BLOC1S5: variants seen among roughly 807,000 people sequenced by gnomAD.
BLOC1S5 encodes the protein biogenesis of lysosomal organelles complex 1 subunit 5.
BLOC1S5 carries 27 observed loss-of-function variants against 24.3 expected under a neutral mutation model. The ratio of observed to expected loss-of-function variants is 1.11; its 90% CI spans 0.82 to 1.53. The LOEUF is 1.53. Among genes scored for constraint, BLOC1S5 ranks in the 40% most tolerant of loss-of-function variants. The probability of loss-of-function intolerance (pLI) is 0.00; values close to 1 mark genes in which losing one functional copy is unlikely to be tolerated. For missense variants in BLOC1S5, 239 were observed against 229.4 expected (o/e 1.04, Z -0.27); for synonymous variants, 84 against 74.5 (o/e 1.13, Z -0.66).
intron 3 of BLOC1S5, among the ~76,000 whole-genome samples, chr6:8,029,999 T>C (rs749465359): frequency 2.0e-5 from 3 of 152,018 alleles, no homozygotes; most frequent in Non-Finnish European, 2.9e-5. Flanking sequence ...AATGAAGACC[T>C]CCCTAAACAG....
At chr6:8,016,664 C>CA (rs1297327863) in intron 4 of BLOC1S5, among the ~76,000 whole-genome samples, 4 of 151,734 alleles carry the variant, frequency 2.6e-5, no homozygotes, top group Non-Finnish European at 5.9e-5. Flanking sequence ...GTCAGGAGTT[C>CA]AAGTCCAGTC....
At chr6:8,017,385 A>AACACAAACACACAC (rs1762779908) in intron 4 of BLOC1S5, among the ~76,000 whole-genome samples, 3 of 149,626 alleles carry the variant, frequency 2.0e-5, no homozygotes, top group Admixed American at 2.0e-4. Flanking sequence ...CTCAAAAACA[A>AACACAAACACACAC]ACACACACAC....
intron 4 of BLOC1S5, among the ~76,000 whole-genome samples, chr6:8,017,003 T>C (rs1762763871): frequency 6.6e-6 from 1 of 152,086 alleles, no homozygotes; most frequent in Non-Finnish European, 1.5e-5. Flanking sequence ...TATATAAGGA[T>C]GAAAGGTTTT....
rs1491027414 is a variant in BLOC1S5, at chr6:8,022,577, TTC to T, written c.384+3788_384+3789del. On this transcript the variant is annotated intron_variant, in intron 4 of 4. Coordinates refer to ENST00000397457, the MANE Select transcript of BLOC1S5 (RefSeq NM_201280.3). ...TCTATTTTCAAACTCTATTTTTTTT[TTC>T]TTTTTTTTTTTTCTTTTTTTTTTGA... Among the ~76,000 whole-genome samples, 19 of 81,102 alleles carry T rather than the reference TTC, an allele frequency of 2.3e-4. 1 individual carries two copies. Among genetic ancestry groups the T allele is most frequent in the African/African-American group, 1.1e-3 (19 of 16,620 alleles). 53.2% of individuals were successfully genotyped at this position (81,102 alleles called of 152,430 possible).
intron 2 of BLOC1S5, among the ~76,000 whole-genome samples, chr6:8,051,308 T>G (rs1764099350): frequency 6.6e-6 from 1 of 152,216 alleles, no homozygotes; most frequent in Non-Finnish European, 1.5e-5. Flanking sequence ...AACATTTTCT[T>G]AAGCCAAAGC....
intron 2 of BLOC1S5, among the ~76,000 whole-genome samples, chr6:8,044,680 G>C (rs191723426): frequency 6.6e-6 from 1 of 152,332 alleles, no homozygotes; most frequent in East Asian, 1.9e-4. Context: ...TGAGGAACTT[G>C]TTGGGAACTG....
chr6:8,057,912 GTTGT>G (rs1764370783), intron 2 of BLOC1S5, among the ~76,000 whole-genome samples: 1 of 152,122 alleles, frequency 6.6e-6, no homozygotes, highest in Admixed American at 6.6e-5. Flanking sequence ...TCTCTTAGAA[GTTGT>G]TTCTCGAGTT....
At chr6:8,048,205 G>A (rs1242697563) in intron 2 of BLOC1S5, among the ~76,000 whole-genome samples, 2 of 152,194 alleles carry the variant, frequency 1.3e-5, no homozygotes, top group Admixed American at 6.5e-5. Context: ...GCTCTGGAAT[G>A]CTTCAGACAA....
At position 8,015,026 on chromosome 6, in the gene BLOC1S5, A is replaced by G. The variant is rs1481530514; in HGVS notation, c.*623T>C. 4 of 152,686 alleles carry G rather than the reference A, an allele frequency of 2.6e-5. No individual in the cohort carries two copies. The highest frequency in any genetic ancestry group is 9.6e-5 in the African/African-American group (4 of 41,462). 9.5% of individuals were successfully genotyped at this position (152,686 alleles called of 1,614,324 possible). A position where few individuals can be genotyped will look rare whatever the true frequency, so the allele number is the denominator to read the frequency against. On this transcript the variant is annotated 3_prime_UTR_variant, in exon 5 of 5. Coordinates refer to ENST00000397457, the MANE Select transcript of BLOC1S5 (RefSeq NM_201280.3). ...TAACATGTGTCTTCCCATCCACGGAAGCCCATGGCATTATGCTGCACTGTA... is the reference window on the plus strand; with the variant it reads ...TAACATGTGTCTTCCCATCCACGGAGGCCCATGGCATTATGCTGCACTGTA...
intron 2 of BLOC1S5, among the ~76,000 whole-genome samples, chr6:8,049,322 G>A (rs375719552): frequency 6.6e-6 from 1 of 151,236 alleles, no homozygotes; most frequent in Admixed American, 6.6e-5. Flanking sequence ...AGTGAGCCGC[G>A]ATCGCGCCAT....
chr6:8,025,939 C>A (rs1263807075), intron 4 of BLOC1S5, among the ~76,000 whole-genome samples: 26 of 152,192 alleles, frequency 1.7e-4, no homozygotes, highest in Admixed American at 1.7e-3. Flanking sequence ...CACTGCCCAG[C>A]AAATGATTCA....
At chr6:8,022,571 T>TTTTTTTTTG in intron 4 of BLOC1S5, among the ~76,000 whole-genome samples, 1 of 82,948 alleles carries the variant, frequency 1.2e-5, no homozygotes, top group East Asian at 1.0e-3. Context: ...AAACTCTATT[T>TTTTTTTTTG]TTTTTTTCTT....
chr6:8,064,221 C>T (rs1339036776), intron 1 of BLOC1S5, 44 bp downstream of exon 1: 1 of 1,519,774 alleles, frequency 6.6e-7, no homozygotes, highest in African/African-American at 1.4e-5. Flanking sequence ...GGAGATGAGG[C>T]TGTGCTGGGA....
chr6:8,041,643 C>CTTTG, intron 2 of BLOC1S5, among the ~76,000 whole-genome samples: 1 of 79,732 alleles, frequency 1.3e-5, no homozygotes, highest in South Asian at 5.7e-4. Flanking sequence ...TAATTACTTT[C>CTTTG]TTTCTTTCTT....
intron 2 of BLOC1S5, among the ~76,000 whole-genome samples, chr6:8,046,608 T>C (rs1447237502): frequency 6.6e-6 from 1 of 152,188 alleles, no homozygotes; most frequent in Non-Finnish European, 1.5e-5. Flanking sequence ...GAGAGAATAA[T>C]ATAACAAACT....
intron 3 of BLOC1S5, among the ~76,000 whole-genome samples, chr6:8,036,824 C>T (rs936055613): frequency 1.3e-5 from 2 of 152,110 alleles, no homozygotes; most frequent in Admixed American, 6.6e-5. Context: ...AGATCATTCA[C>T]CATGATCAAG....
chr6:8,046,967 A>G (rs1446230973), intron 2 of BLOC1S5, among the ~76,000 whole-genome samples: 1 of 151,780 alleles, frequency 6.6e-6, no homozygotes, highest in Admixed American at 6.6e-5. Flanking sequence ...AATTTTTTGT[A>G]GAGACAGGCT....
At chr6:8,051,634 G>C (rs1045088429) in intron 2 of BLOC1S5, among the ~76,000 whole-genome samples, 17 of 152,244 alleles carry the variant, frequency 1.1e-4, no homozygotes, top group African/African-American at 4.1e-4. Flanking sequence ...TGGCTTCAGA[G>C]CTTCAAAGGA....
At position 8,041,015 on chromosome 6, in the gene BLOC1S5, C is replaced by T. The variant is rs1763659950; in HGVS notation, c.325+124G>A. The T allele has an allele frequency of 7.1e-6, 8 of 1,131,172 alleles. No individual in the cohort carries two copies. The South Asian group carries it at 1.2e-4, about 18-fold the overall frequency. 70.1% of individuals were successfully genotyped at this position (1,131,172 alleles called of 1,614,324 possible). ...GCAACACACATTAATCACTAGAAAA[C>T]CACTTTCTCTGTAACTGAGCTTCCC... On this transcript the variant is annotated intron_variant, in intron 3 of 4. Transcript: ENST00000397457.
Sources: allele counts gnomAD v4.1 joint callset (sites outside exome capture counted in the v4.1 genomes callset), GRCh38; gene constraint gnomAD v4.1.1; transcripts MANE v1.5; gene names NCBI Gene and HGNC (gene_info 2026-07-23, HGNC 2026-07-21).